RFC5: variants seen among roughly 807,000 people sequenced by gnomAD.
RFC5 encodes A1 36 kDa subunit.
A neutral mutation model predicts 44.3 loss-of-function variants in RFC5; 26 were observed. That is an observed-to-expected ratio of 0.59 (90% CI 0.43 to 0.81). RFC5 has a LOEUF of 0.81. RFC5 is among the 40% of genes least tolerant of loss of function. RFC5 has a pLI of 0.00. For missense variants in RFC5, 328 were observed against 418.6 expected (o/e 0.78, Z 1.89); for synonymous variants, 155 against 155.2 (o/e 1.00, Z 0.01).
At chr12:118,017,675 A>ATTTT in intron 1 of RFC5, 3 of 791,864 alleles carry the variant, frequency 3.8e-6, no homozygotes, top group Admixed American at 4.5e-5. Flanking sequence ...GTATTTACGT[A>ATTTT]TTTTTTTTTT....
rs1039438405 is a variant in RFC5, at chr12:118,026,921, G to A, written c.696G>A (p.Glu232=). Residue 232 remains glutamate, a synonymous_variant, in exon 8 of 11, where the codon GAG becomes GAA. Coordinates refer to ENST00000454402, the MANE Select transcript of RFC5 (RefSeq NM_007370.7). Reference sequence around the variant, plus strand: ...ATATGGCCTTTGGGAAGGTGACAGAGGAGACTGTCTACACCTGCACCGGGC... The same window carrying A: ...ATATGGCCTTTGGGAAGGTGACAGAAGAGACTGTCTACACCTGCACCGGGC... ...STNMAFGKVT[E]ETVYTCTGHP... is the part of the protein sequence containing the mutation. The A allele has an allele frequency of 1.2e-6, 2 of 1,613,924 alleles. No homozygotes were observed. The highest frequency in any genetic ancestry group is 2.7e-5 in the African/African-American group (2 of 74,922).
chr12:118,032,094 A>C lies in RFC5; in HGVS notation c.*816A>C, dbSNP rs149376396. ...TAGTGTTCTTTATAATAAAAAACAA[A>C]GCAGCCTCCTGGCTGGCTGTGTTAC... On this transcript the variant is annotated 3_prime_UTR_variant, in exon 11 of 11. Coordinates refer to ENST00000454402, the MANE Select transcript of RFC5 (RefSeq NM_007370.7). The C allele has an allele frequency of 1.3e-5, 2 of 152,354 alleles. No homozygotes were observed. The highest frequency in any genetic ancestry group is 4.8e-5 in the African/African-American group (2 of 41,600). 9.4% of individuals were successfully genotyped at this position (152,354 alleles called of 1,614,324 possible).
At chr12:118,024,753 C>A in intron 5 of RFC5, 98 bp from the exon 6 acceptor site, 1 of 1,021,110 alleles carries the variant, frequency 9.8e-7, no homozygotes, top group South Asian at 1.5e-5. Context: ...TGAATCTTTT[C>A]CTATACCCTT....
rs756437893 is a variant in RFC5, at chr12:118,025,043, G to A, written c.581+33G>A. On this transcript the variant is annotated intron_variant, in intron 6 of 10. Coordinates refer to ENST00000454402, the MANE Select transcript of RFC5 (RefSeq NM_007370.7). ...TTTTGCGGGCCTTTGGGGATGGAGT[G>A]TAGTAGAAACAGGCTTGTGGGATCA... is the stretch of plus-strand genomic sequence containing the variant. 16 of 1,600,478 alleles carry A rather than the reference G, an allele frequency of 1.0e-5. No homozygotes were observed. The East Asian group carries it at 1.6e-4, about 16-fold the overall frequency.
chr12:118,018,067 T>C, intron 1 of RFC5: 1 of 699,670 alleles, frequency 1.4e-6, no homozygotes, highest in Non-Finnish European at 2.6e-6. Context: ...AGTGGAATCC[T>C]ACACTATGTG....
intron 7 of RFC5, among the ~76,000 whole-genome samples, chr12:118,026,345 G>A (rs181021914): frequency 1.9e-4 from 29 of 151,974 alleles, no homozygotes; most frequent in African/African-American, 6.8e-4. Context: ...GCTCACGCCT[G>A]TAATCCCAGC....
At chr12:118,017,754 T>C in intron 1 of RFC5, 1 of 656,214 alleles carries the variant, frequency 1.5e-6, no homozygotes, top group Non-Finnish European at 2.7e-6. Context: ...CAGTGTAACC[T>C]CAAACATTGG....
At chr12:118,023,036 A>G (rs570119987) in intron 5 of RFC5, among the ~76,000 whole-genome samples, 36 of 151,246 alleles carry the variant, frequency 2.4e-4, no homozygotes, top group Admixed American at 5.9e-4. Context: ...TTTCCGTGGG[A>G]TGGGGTGTGG....
Position 118,024,990 on chromosome 12 carries a change from A to T in RFC5, c.561A>T (p.Glu187Asp). 6.2e-7 allele frequency: 1 copy of T among 1,613,752 alleles called. No homozygotes were observed. The highest frequency in any genetic ancestry group is 1.1e-5 in the South Asian group (1 of 90,992). Residue 187 changes from glutamate (E) to aspartate (D), a missense_variant, in exon 6 of 11, where the codon GAA becomes GAT. Coordinates refer to ENST00000454402, the MANE Select transcript of RFC5 (RefSeq NM_007370.7). Reference protein sequence around the residue: ...LTPELMVPRLEHVVEEEKVDI... With the variant: ...LTPELMVPRLDHVVEEEKVDI... ...CTGAACTCATGGTTCCCCGCCTGGAACATGTCGTGGAAGAAGAGAAGTGAG... is the reference window on the plus strand; with the variant it reads ...CTGAACTCATGGTTCCCCGCCTGGATCATGTCGTGGAAGAAGAGAAGTGAG...
At chr12:118,033,252 T>C (rs1284802900), downstream of RFC5, 1 of 152,490 alleles carries the variant, frequency 6.6e-6, no homozygotes, top group East Asian at 1.9e-4. Context: ...CCAATGAAGT[T>C]AAACAGCAGA....
At chr12:118,017,633 A>C (rs942586708) in intron 1 of RFC5, 66 of 1,038,272 alleles carry the variant, frequency 6.4e-5, no homozygotes, top group African/African-American at 2.0e-4. Context: ...GTTAAAAAAA[A>C]CCCAGAAGAT....
In RFC5 at chr12:118,019,804, A is replaced by T. The variant is rs753869121; in HGVS notation, c.267+36A>T. 1 of 1,553,704 alleles carries T rather than the reference A, an allele frequency of 6.4e-7. No homozygotes were observed. Among genetic ancestry groups the T allele is most frequent in the South Asian group, 1.1e-5 (1 of 87,474 alleles). ...TTGTTCTTACTCTACAAATAACTTA[A>T]GAGACTCCAGTCTCTTAATTTCAGT... On this transcript the variant is annotated intron_variant, in intron 3 of 10. Coordinates refer to ENST00000454402, the MANE Select transcript of RFC5 (RefSeq NM_007370.7). This position sits in a 1 kb window ranked among gnomAD's most constrained non-coding sequence, Gnocchi z 4.2.
intron 7 of RFC5, 141 bp from the exon 8 acceptor site, chr12:118,026,748 G>T: frequency 1.2e-6 from 1 of 822,974 alleles, no homozygotes; most frequent in South Asian, 1.8e-5. Context: ...TATTGAATAT[G>T]TGGGTTCCCA....
Position 118,024,855 on chromosome 12 carries a change from T to C in RFC5, c.426T>C (p.Ile142=). 1.9e-6 allele frequency: 3 copies of C among 1,604,418 alleles called. No individual in the cohort carries two copies. Among genetic ancestry groups the C allele is most frequent in the Non-Finnish European group, 2.6e-6 (3 of 1,175,878 alleles). The change falls in exon 6 of 11, where the codon ATT becomes ATC. Residue 142 remains isoleucine (I), a synonymous_variant. Transcript: ENST00000454402. ...GGTTTTATTTTCTCTTACTAGTAAT[T>C]GAGAAATTCACAGAAAATACCAGAT... The part of the protein sequence containing the change: ...QDAQNALRRV[I]EKFTENTRFC...
At chr12:118,034,112 C>A, downstream of RFC5, 17 of 1,547,272 alleles carry the variant, frequency 1.1e-5, no homozygotes, top group Non-Finnish European at 1.4e-5. Context: ...CAATGCAAGA[C>A]CAGATGTTTG....
At chr12:118,034,574 G>GCTCTCTCTCT (rs368693869), downstream of RFC5, 1,935 of 529,458 alleles carry the variant, frequency 3.7e-3, 24 homozygotes, top group African/African-American at 0.032. Flanking sequence ...ATACCAAAGC[G>GCTCTCTCTCT]CTCTCTCTGT....
chr12:118,016,953 G>A, intron 1 of RFC5, 61 bp downstream of exon 1: 2 of 1,351,138 alleles, frequency 1.5e-6, no homozygotes, highest in East Asian at 2.4e-5. Flanking sequence ...GCGGGGAGGA[G>A]GTGGCTGGGG....
intron 5 of RFC5, among the ~76,000 whole-genome samples, chr12:118,023,030 C>T (rs950437669): frequency 1.3e-5 from 2 of 151,788 alleles, no homozygotes; most frequent in African/African-American, 2.4e-5. Context: ...CATATCTTTC[C>T]GTGGGATGGG....
chr12:118,030,430 A>C (rs2031239540), intron 10 of RFC5, among the ~76,000 whole-genome samples: 1 of 152,166 alleles, frequency 6.6e-6, no homozygotes, highest in Non-Finnish European at 1.5e-5. Flanking sequence ...TGGCGAGATG[A>C]ACTCCAGTGT....
Sources: allele counts gnomAD v4.1 joint callset (sites outside exome capture counted in the v4.1 genomes callset), GRCh38; gene constraint gnomAD v4.1.1; non-coding constraint Gnocchi (gnomAD v3.1); transcripts MANE v1.5; gene names NCBI Gene and HGNC (gene_info 2026-07-23, HGNC 2026-07-21).